ERO1B: variants seen among roughly 807,000 people sequenced by gnomAD.
ERO1B encodes endoplasmic reticulum oxidoreductase 1 beta.
A neutral mutation model predicts 75.3 loss-of-function variants in ERO1B; 49 were observed. The observed-to-expected ratio is 0.65, with a 90% CI of 0.52 to 0.83. The LOEUF (loss-of-function observed/expected upper bound fraction) is 0.83. Among genes scored for constraint, ERO1B ranks in the 40% least tolerant of loss-of-function variants. The pLI, the probability that ERO1B is intolerant of heterozygous loss-of-function variation, is 0.00. For missense variants in ERO1B, 512 were observed against 560.1 expected (o/e 0.91, Z 0.87); for synonymous variants, 191 against 192.9 (o/e 0.99, Z 0.08).
intron 6 of ERO1B, among the ~76,000 whole-genome samples, chr1:236,240,833 G>C (rs189212137): frequency 1.3e-5 from 2 of 152,130 alleles, no homozygotes; most frequent in Admixed American, 1.3e-4. Context: ...TCAGACAGTT[G>C]TTAGTGCTTG....
chr1:236,243,582 A>G, intron 5 of ERO1B, 87 bp from the exon 6 acceptor site: 1 of 822,128 alleles, frequency 1.2e-6, no homozygotes, highest in Non-Finnish European at 1.9e-6. Flanking sequence ...TAAAATAGAT[A>G]ATCTGAGGTC....
chr1:236,270,089 T>C, intron 1 of ERO1B, 95 bp from the exon 2 acceptor site: 1 of 910,094 alleles, frequency 1.1e-6, no homozygotes, highest in Non-Finnish European at 1.6e-6. Context: ...TTCATTCAAG[T>C]TAGCCGGTAC....
chr1:236,263,778 C>CTTTTTTTTTTTTTTTTTT, intron 2 of ERO1B, among the ~76,000 whole-genome samples: 3 of 80,300 alleles, frequency 3.7e-5, no homozygotes, highest in Non-Finnish European at 5.0e-5. Flanking sequence ...ATTTTGTTTG[C>CTTTTTTTTTTTTTTTTTT]TTTTTTTTTT....
chr1:236,263,959 A>G (rs1665355480), intron 2 of ERO1B, among the ~76,000 whole-genome samples: 1 of 151,410 alleles, frequency 6.6e-6, no homozygotes, highest in Non-Finnish European at 1.5e-5. Context: ...CCTTTCTGTT[A>G]TAACTTCTAA....
chr1:236,280,749 C>A (rs1665813011), intron 1 of ERO1B, among the ~76,000 whole-genome samples: 1 of 152,210 alleles, frequency 6.6e-6, no homozygotes, highest in African/African-American at 2.4e-5. Context: ...GCACTAATTG[C>A]TTCAAATGAC....
chr1:236,224,473 A>C (rs1355501326), intron 13 of ERO1B, among the ~76,000 whole-genome samples: 3 of 115,634 alleles, frequency 2.6e-5, no homozygotes, highest in Non-Finnish European at 5.3e-5. Flanking sequence ...AAAAGTAAAA[A>C]AAAAAAAAAT....
chr1:236,251,999 G>A (rs758544816), intron 4 of ERO1B, 51 bp downstream of exon 4: 7 of 1,306,744 alleles, frequency 5.4e-6, no homozygotes, highest in Non-Finnish European at 7.6e-6. Flanking sequence ...TCAGTAAATG[G>A]TAAGTTTCAC....
At chr1:236,239,857 A>ATGTG (rs1553371273) in intron 6 of ERO1B, among the ~76,000 whole-genome samples, 42 of 39,732 alleles carry the variant, frequency 1.1e-3, no homozygotes, top group African/African-American at 3.9e-3. Context: ...ATGTGTATAT[A>ATGTG]TGTATATATA....
At chr1:236,244,679 A>G (rs1170708893) in intron 5 of ERO1B, among the ~76,000 whole-genome samples, 2 of 152,144 alleles carry the variant, frequency 1.3e-5, no homozygotes, top group African/African-American at 4.8e-5. Context: ...TGATTCTTTC[A>G]CCTAACCCCT....
chr1:236,237,116 C>CTTTTT (rs67072171), intron 6 of ERO1B, among the ~76,000 whole-genome samples: 8 of 105,482 alleles, frequency 7.6e-5, no homozygotes, highest in Admixed American at 2.4e-4. Context: ...ACTATTTGGA[C>CTTTTT]TTTTTTTTTT....
chr1:236,281,622 G>C, intron 1 of ERO1B, 60 bp downstream of exon 1: 1 of 1,172,500 alleles, frequency 8.5e-7, no homozygotes, highest in Non-Finnish European at 1.1e-6. Flanking sequence ...GCCGCGGCCC[G>C]TGTGTAGCGG....
At chr1:236,231,812 T>C (rs1664415661) in intron 9 of ERO1B, among the ~76,000 whole-genome samples, 3 of 152,180 alleles carry the variant, frequency 2.0e-5, no homozygotes, top group African/African-American at 7.2e-5. Flanking sequence ...ATAGTAAGGA[T>C]CATTTATCAT....
rs1264833386 is a variant in ERO1B at position 236,226,643 on chromosome 1, T to A, written c.805+4A>T. 1.2e-6 allele frequency: 2 copies of A among 1,609,418 alleles called. No homozygotes were observed. Among genetic ancestry groups the A allele is most frequent in the African/African-American group, 1.3e-5 (1 of 74,662 alleles). Reference sequence around the variant, plus strand: ...GCAAAATCTCGACTTAAAAATATGATTACCTTCCAAAAGATAATTTGCGCA... The same window carrying A: ...GCAAAATCTCGACTTAAAAATATGAATACCTTCCAAAAGATAATTTGCGCA... On this transcript the variant is annotated splice_donor_region_variant and intron_variant, in intron 11 of 15. Transcript: ENST00000354619.
At chr1:236,253,609 A>G (rs1342124433) in intron 2 of ERO1B, 104 bp from the exon 3 acceptor site, 2 of 732,160 alleles carry the variant, frequency 2.7e-6, no homozygotes, top group Non-Finnish European at 4.8e-6. Context: ...ATAAGAAGGA[A>G]TACTTCCTAT....
At chr1:236,250,335 T>C (rs998984927) in intron 4 of ERO1B, among the ~76,000 whole-genome samples, 15 of 151,832 alleles carry the variant, frequency 9.9e-5, no homozygotes, top group African/African-American at 3.4e-4. Context: ...CCAAGTGTGG[T>C]GGCACACGCC....
rs1435250421 is a variant in ERO1B at position 236,239,811 on chromosome 1, G to GTATATATA, written c.506-3421_506-3414dup. Among the ~76,000 whole-genome samples the GTATATATA allele has an allele frequency of 1.1e-3, 63 of 59,600 alleles. No individual in the cohort carries two copies. The East Asian group carries it at 0.014, about 13-fold the overall frequency. 39.1% of individuals were successfully genotyped at this position (59,600 alleles called of 152,430 possible). A position where few individuals can be genotyped will look rare whatever the true frequency, so the allele number is the denominator to read the frequency against. On this transcript the variant is annotated intron_variant, in intron 6 of 15. Transcript: ENST00000354619. ...CAAGTATATATATATATATATGTGTGTATATATATATGTGTATATATATGT... is the reference window on the plus strand; with the variant it reads ...CAAGTATATATATATATATATGTGTGTATATATATATATATATATGTGTATATATATGT...
intron 5 of ERO1B, among the ~76,000 whole-genome samples, chr1:236,247,653 ACACT>A (rs1664918567): frequency 3.9e-5 from 6 of 152,274 alleles, no homozygotes; most frequent in African/African-American, 1.4e-4. Flanking sequence ...CTAAGAGCAA[ACACT>A]CATTATAATT....
intron 9 of ERO1B, among the ~76,000 whole-genome samples, chr1:236,230,852 CA>C (rs1664390093): frequency 6.6e-6 from 1 of 151,626 alleles, no homozygotes; most frequent in African/African-American, 2.4e-5. Context: ...CCAGTTAACT[CA>C]GAAGGTTGAG....
intron 2 of ERO1B, among the ~76,000 whole-genome samples, chr1:236,267,321 G>GT (rs1481300221): frequency 6.6e-6 from 1 of 151,930 alleles, no homozygotes; most frequent in African/African-American, 2.4e-5. Context: ...TGTTTTGTTT[G>GT]TTAGCCAACA....
Sources: allele counts gnomAD v4.1 joint callset (sites outside exome capture counted in the v4.1 genomes callset), GRCh38; gene constraint gnomAD v4.1.1; transcripts MANE v1.5; gene names NCBI Gene and HGNC (gene_info 2026-07-23, HGNC 2026-07-21).